GABRB1: variants seen among roughly 807,000 people sequenced by gnomAD.
GABRB1 encodes gamma-aminobutyric acid receptor subunit beta-1.
In GABRB1, 17 loss-of-function variants were observed where a neutral mutation model predicts 51.6. The ratio of observed to expected loss-of-function variants is 0.33; its 90% CI spans 0.23 to 0.49. The LOEUF (loss-of-function observed/expected upper bound fraction) is 0.49. Ranked by LOEUF, GABRB1 falls within the 20% of genes least tolerant of loss-of-function variation. The pLI is 0.99. For synonymous variants in GABRB1, 247 were observed against 218.9 expected (o/e 1.13, Z -1.14); for missense variants, 410 against 600.6 (o/e 0.68, Z 3.32).
intron 3 of GABRB1, among the ~76,000 whole-genome samples, chr4:47,052,890 G>A (rs1332332082): frequency 6.6e-6 from 1 of 152,226 alleles, no homozygotes; most frequent in Non-Finnish European, 1.5e-5. Context: ...ATGAGTACAA[G>A]TTTAGTGCTT....
chr4:47,324,154 C>T (rs1244620947), intron 5 of GABRB1, among the ~76,000 whole-genome samples: 1 of 152,122 alleles, frequency 6.6e-6, no homozygotes, highest in African/African-American at 2.4e-5. Flanking sequence ...AAAGAAAAAG[C>T]CATTTCAGGC....
intron 4 of GABRB1, among the ~76,000 whole-genome samples, chr4:47,180,219 T>C (rs922950323): frequency 6.6e-6 from 1 of 152,000 alleles, no homozygotes; most frequent in Non-Finnish European, 1.5e-5. Context: ...CCCATTCACA[T>C]AGTGGAAGAG....
chr4:47,220,900 C>T (rs116062012), intron 4 of GABRB1, among the ~76,000 whole-genome samples: 111 of 152,056 alleles, frequency 7.3e-4, no homozygotes, highest in Non-Finnish European at 1.1e-3. Context: ...ATCAAAGCAT[C>T]GCTCTAATTA....
chr4:47,228,862 G>A (rs544550474), intron 4 of GABRB1, among the ~76,000 whole-genome samples: 19 of 152,226 alleles, frequency 1.2e-4, no homozygotes, highest in African/African-American at 4.6e-4. Context: ...TTAATGGAAA[G>A]GGACTTTGCA....
intron 3 of GABRB1, among the ~76,000 whole-genome samples, chr4:47,158,842 G>A (rs1717813440): frequency 6.6e-6 from 1 of 152,026 alleles, no homozygotes; most frequent in East Asian, 1.9e-4. Flanking sequence ...ATTTGGAAGT[G>A]TAATACTAAT....
At chr4:47,341,689 C>T (rs1179485174) in intron 5 of GABRB1, among the ~76,000 whole-genome samples, 1 of 151,910 alleles carries the variant, frequency 6.6e-6, no homozygotes, top group African/African-American at 2.4e-5. Context: ...TTTTTTTTCG[C>T]ACTTGTAATT....
intron 5 of GABRB1, among the ~76,000 whole-genome samples, chr4:47,328,222 A>G (rs191683600): frequency 0.032 from 4,928 of 152,274 alleles, 310 homozygotes; most frequent in African/African-American, 0.11. Flanking sequence ...GCCCTTTGTC[A>G]GATGAGTAGA....
chr4:47,399,725 A>G (rs1728315321), intron 5 of GABRB1, among the ~76,000 whole-genome samples: 1 of 152,134 alleles, frequency 6.6e-6, no homozygotes, highest in Admixed American at 6.5e-5. Flanking sequence ...AGGGAGTAGT[A>G]CTTTTGGGTC....
At chr4:47,350,212 T>C (rs544746065) in intron 5 of GABRB1, among the ~76,000 whole-genome samples, 2 of 85,644 alleles carry the variant, frequency 2.3e-5, no homozygotes, top group Non-Finnish European at 4.3e-5. Context: ...TATATATATA[T>C]ATATATAGAG....
chr4:47,225,418 T>C (rs924537860), intron 4 of GABRB1, among the ~76,000 whole-genome samples: 7 of 152,160 alleles, frequency 4.6e-5, no homozygotes, highest in Admixed American at 1.3e-4. Context: ...ATGTTTTTCA[T>C]GTTTTGAGGG....
intron 1 of GABRB1, among the ~76,000 whole-genome samples, chr4:47,016,723 G>A (rs576228930): frequency 8.1e-4 from 123 of 151,930 alleles, no homozygotes; most frequent in African/African-American, 2.8e-3. Context: ...TGAGCATCTG[G>A]GATTACAGGC....
intron 4 of GABRB1, among the ~76,000 whole-genome samples, chr4:47,195,456 T>TAGATAGATAGA (rs374834648): frequency 3.3e-5 from 3 of 89,616 alleles, no homozygotes; most frequent in Non-Finnish European, 4.7e-5. Context: ...GATAGATAGA[T>TAGATAGATAGA]TAGATGATAG....
chr4:47,138,274 TGTTCTGAA>T (rs895224459), intron 3 of GABRB1, among the ~76,000 whole-genome samples: 18 of 152,074 alleles, frequency 1.2e-4, no homozygotes, highest in African/African-American at 4.3e-4. Context: ...TTGGGACCAA[TGTTCTGAA>T]GGTGGCTTTT....
At chr4:47,061,244 C>A (rs1456696306) in intron 3 of GABRB1, among the ~76,000 whole-genome samples, 2 of 152,006 alleles carry the variant, frequency 1.3e-5, no homozygotes, top group African/African-American at 4.8e-5. Flanking sequence ...TTCCCCCATC[C>A]ATTCTATGGA....
chr4:47,064,133 T>C (rs1036786684), intron 3 of GABRB1, among the ~76,000 whole-genome samples: 2 of 152,132 alleles, frequency 1.3e-5, no homozygotes, highest in African/African-American at 4.8e-5. Flanking sequence ...TTGCAAGAGT[T>C]TGATCAAGTG....
chr4:47,265,246 TCCAGTTCCAGCCATATTG>T, intron 4 of GABRB1, among the ~76,000 whole-genome samples: 1 of 152,276 alleles, frequency 6.6e-6, no homozygotes, highest in Non-Finnish European at 1.5e-5. Flanking sequence ...GATTATAGCC[TCCAGTTCCAGCCATATTG>T]CTGAAAGACA....
chr4:47,300,142 A>G (rs575707591), intron 4 of GABRB1, among the ~76,000 whole-genome samples: 20 of 151,550 alleles, frequency 1.3e-4, no homozygotes, highest in Non-Finnish European at 2.8e-4. Flanking sequence ...CTAAGGCTAA[A>G]TGACAAGTTA....
rs1346849865 is a variant in GABRB1 at position 47,299,189 on chromosome 4, C to T, written c.462-20938C>T. Among the ~76,000 whole-genome samples the T allele has an allele frequency of 2.6e-5, 4 of 152,302 alleles. No individual in the cohort carries two copies. The South Asian group carries it at 8.3e-4, about 32-fold the overall frequency. ...AGGACATAGACATGGGCAAGGACTTCATGTCTAAAACACCAAAAGCAATGG... is the reference window on the plus strand; with the variant it reads ...AGGACATAGACATGGGCAAGGACTTTATGTCTAAAACACCAAAAGCAATGG... On this transcript the variant is annotated intron_variant, in intron 4 of 8. Transcript: ENST00000295454.
intron 4 of GABRB1, among the ~76,000 whole-genome samples, chr4:47,295,647 G>C (rs995549872): frequency 2.6e-5 from 4 of 152,236 alleles, no homozygotes; most frequent in African/African-American, 9.6e-5. Flanking sequence ...GTACCTGAAA[G>C]TGACGGGGAG....
Sources: gnomAD v4.1 joint callset for allele counts (sites outside exome capture counted in the v4.1 genomes callset) on GRCh38, gnomAD v4.1.1 for gene constraint, MANE v1.5 for transcripts, NCBI Gene and HGNC (gene_info 2026-07-23, HGNC 2026-07-21) for gene names.